Variants in CARF observed in about 807,000 individuals in gnomAD.
CARF encodes the protein calcium responsive transcription factor, also known as calcium-responsive transcription factor.
CARF carries 57 observed loss-of-function variants against 82.0 expected under a neutral mutation model. The ratio of observed to expected loss-of-function variants is 0.70; its 90% confidence interval spans 0.56 to 0.87. CARF has a LOEUF of 0.87. CARF is among the 40% of genes least tolerant of loss of function. The pLI is 0.00. For synonymous variants in CARF, 268 were observed against 290.1 expected (o/e 0.92, Z 0.77); for missense variants, 771 against 855.8 (o/e 0.90, Z 1.24).
At chr2:202,966,002 C>G (rs2059533836) in intron 9 of CARF, among the ~76,000 whole-genome samples, 1 of 152,202 alleles carries the variant, frequency 6.6e-6, no homozygotes, top group African/African-American at 2.4e-5. Context: ...CAGATTCACT[C>G]TTGTGGCTGT....
chr2:202,938,572 C>A (rs955375294), intron 3 of CARF, among the ~76,000 whole-genome samples: 1 of 136,350 alleles, frequency 7.3e-6, no homozygotes, highest in African/African-American at 2.8e-5. Flanking sequence ...GCCCAGCCAA[C>A]TTTCAGTTTT....
chr2:202,933,603 T>G (rs1349380126), intron 3 of CARF, among the ~76,000 whole-genome samples: 1 of 152,148 alleles, frequency 6.6e-6, no homozygotes, highest in Non-Finnish European at 1.5e-5. Context: ...GCCGGATGCT[T>G]CCTTCCATTC....
intron 3 of CARF, among the ~76,000 whole-genome samples, chr2:202,929,321 C>T (rs1271776394): frequency 6.6e-6 from 1 of 152,118 alleles, no homozygotes; most frequent in Non-Finnish European, 1.5e-5. Context: ...TTCCAGGTCT[C>T]ACATTTAAGT....
intron 2 of CARF, among the ~76,000 whole-genome samples, chr2:202,919,257 C>G (rs915802626): frequency 6.6e-6 from 1 of 152,058 alleles, no homozygotes; most frequent in African/African-American, 2.4e-5. Context: ...GGCTGATGTT[C>G]CCTCCAAAGT....
rs1000194436 is a variant in CARF at position 202,987,791 on chromosome 2, G to A, written c.*4167G>A. On this transcript the variant is annotated 3_prime_UTR_variant, in exon 17 of 17. Transcript: ENST00000438828. ...AGGGTGTGAATCATGTACCAGGAGGGATTTTATTTTTAAATATCTTTATTG... is the reference window on the plus strand; with the variant it reads ...AGGGTGTGAATCATGTACCAGGAGGAATTTTATTTTTAAATATCTTTATTG... Among the ~76,000 whole-genome samples the A allele has an allele frequency of 1.3e-5, 2 of 152,032 alleles. No homozygotes were observed. Among genetic ancestry groups the A allele is most frequent in the African/African-American group, 4.8e-5 (2 of 41,386 alleles).
intron 1 of CARF, among the ~76,000 whole-genome samples, chr2:202,913,523 T>A (rs1244368777): frequency 6.6e-6 from 1 of 152,176 alleles, no homozygotes; most frequent in Non-Finnish European, 1.5e-5. Context: ...ATAGCCACAT[T>A]GAGTGGAGGA....
intron 3 of CARF, among the ~76,000 whole-genome samples, chr2:202,927,729 C>T (rs1041112471): frequency 5.3e-5 from 8 of 151,424 alleles, no homozygotes; most frequent in Admixed American, 3.9e-4. Context: ...TGAAAATATA[C>T]GATATATTGT....
chr2:202,921,244 G>A (rs564590771), intron 2 of CARF, among the ~76,000 whole-genome samples: 5 of 152,102 alleles, frequency 3.3e-5, no homozygotes, highest in East Asian at 3.9e-4. Context: ...TTTGTGATCC[G>A]CCTGCCTTGG....
intron 5 of CARF, 45 bp from the exon 6 acceptor site, chr2:202,952,514 A>C (rs915420287): frequency 1.9e-6 from 3 of 1,559,942 alleles, no homozygotes; most frequent in Non-Finnish European, 2.6e-6. Flanking sequence ...TTGTTAAATC[A>C]GTCTAGGCAT....
intron 7 of CARF, among the ~76,000 whole-genome samples, chr2:202,954,606 G>C (rs1232630677): frequency 6.6e-6 from 1 of 151,778 alleles, no homozygotes; most frequent in Admixed American, 6.6e-5. Context: ...CCAGCTACTT[G>C]GGAGGCTGAG....
chr2:202,943,265 G>A (rs1309976926), intron 5 of CARF, among the ~76,000 whole-genome samples: 2 of 152,016 alleles, frequency 1.3e-5, no homozygotes, highest in Non-Finnish European at 2.9e-5. Context: ...ATAGAGACAG[G>A]ATTTCACCAT....
chr2:202,936,173 A>G (rs1423254317), intron 3 of CARF, among the ~76,000 whole-genome samples: 3 of 152,180 alleles, frequency 2.0e-5, no homozygotes, highest in Non-Finnish European at 4.4e-5. Context: ...CATCCCAAGA[A>G]AAATTCCTTA....
At chr2:202,925,923 A>C (rs1691721711) in intron 3 of CARF, 1 of 162,564 alleles carries the variant, frequency 6.2e-6, no homozygotes, top group Admixed American at 6.4e-5. Context: ...CGGCCTGCGA[A>C]GGCCTCACAA....
chr2:202,946,444 G>A (rs1330671435), intron 5 of CARF, among the ~76,000 whole-genome samples: 23 of 152,198 alleles, frequency 1.5e-4, no homozygotes, highest in East Asian at 5.8e-4. Flanking sequence ...CTGGCTAGCC[G>A]TATGCAGAAA....
At chr2:202,946,919 C>T (rs147239347) in intron 5 of CARF, among the ~76,000 whole-genome samples, 123 of 152,226 alleles carry the variant, frequency 8.1e-4, no homozygotes, top group African/African-American at 2.7e-3. Context: ...ATCAAAACCA[C>T]GATGAGATAT....
At chr2:202,969,187 G>A (rs993180078) in intron 10 of CARF, among the ~76,000 whole-genome samples, 2 of 152,024 alleles carry the variant, frequency 1.3e-5, no homozygotes, top group Non-Finnish European at 2.9e-5. Flanking sequence ...CAGCTACTGG[G>A]GGAGGCTGAG....
chr2:202,971,900 T>G (rs1443142637), intron 12 of CARF, among the ~76,000 whole-genome samples, 162 bp downstream of exon 12: 1 of 152,186 alleles, frequency 6.6e-6, no homozygotes, highest in Non-Finnish European at 1.5e-5. Flanking sequence ...AAACTGATCA[T>G]TTTCTAACAA....
At chr2:202,939,685 C>CTTTTTTTTTT (rs749966536) in intron 3 of CARF, among the ~76,000 whole-genome samples, 19 of 104,910 alleles carry the variant, frequency 1.8e-4, no homozygotes, top group African/African-American at 2.9e-4. Context: ...GCCTTTTTTT[C>CTTTTTTTTTT]TTTTTTTTTT....
At chr2:202,968,735 G>A (rs1334010889) in intron 10 of CARF, among the ~76,000 whole-genome samples, 2 of 152,022 alleles carry the variant, frequency 1.3e-5, no homozygotes, top group Non-Finnish European at 2.9e-5. Flanking sequence ...AGGAAGGAGG[G>A]AAACCAAAAG....
Sources: allele counts gnomAD v4.1 joint callset (sites outside exome capture counted in the v4.1 genomes callset), GRCh38; gene constraint gnomAD v4.1.1; transcripts MANE v1.5; gene names NCBI Gene and HGNC (gene_info 2026-07-23, HGNC 2026-07-21).